PKIA: variants seen among roughly 807,000 people sequenced by gnomAD.
PKIA encodes cAMP-dependent protein kinase inhibitor alpha.
Under a neutral mutation model 7.6 loss-of-function variants are expected in PKIA, and 4 were observed. That is an observed-to-expected ratio of 0.52 (90% CI 0.26 to 1.20). The LOEUF is 1.20. Among genes scored for constraint, PKIA ranks in the 50% most tolerant of loss-of-function variants. PKIA has a pLI of 0.13. For missense variants in PKIA, 73 were observed against 86.2 expected (o/e 0.85, Z 0.61); for synonymous variants, 21 against 30.7 (o/e 0.68, Z 1.04).
intron 1 of PKIA, among the ~76,000 whole-genome samples, chr8:78,541,079 A>G (rs895742738): frequency 1.3e-5 from 2 of 152,094 alleles, no homozygotes; most frequent in African/African-American, 2.4e-5. Flanking sequence ...TTCTAATTCA[A>G]TTCAGCCCAA....
intron 1 of PKIA, among the ~76,000 whole-genome samples, chr8:78,547,388 C>A (rs766832229): frequency 6.6e-6 from 1 of 152,146 alleles, no homozygotes; most frequent in Non-Finnish European, 1.5e-5. Context: ...CAGGCGTGAG[C>A]CACCGCACCT....
intron 1 of PKIA, among the ~76,000 whole-genome samples, chr8:78,552,168 T>C (rs113178373): frequency 2.4e-4 from 36 of 152,110 alleles, no homozygotes; most frequent in African/African-American, 8.2e-4. Flanking sequence ...GTTGGGCTGA[T>C]ATGATACTTA....
In PKIA at chr8:78,562,999, A is replaced by G. The variant is rs372805280; in HGVS notation, c.-156-9812A>G. Among the ~76,000 whole-genome samples, 21 of 152,330 alleles carry G rather than the reference A, an allele frequency of 1.4e-4. No homozygotes were observed. The East Asian group carries it at 3.1e-3, about 22-fold the overall frequency. On this transcript the variant is annotated intron_variant, in intron 1 of 3. Coordinates refer to ENST00000396418, the MANE Select transcript of PKIA (RefSeq NM_006823.4). ...GTAACAAGGAAAAAATCTTCATTCA[A>G]TTAAAATCAATCATACATCGTTACT...
intron 2 of PKIA, among the ~76,000 whole-genome samples, chr8:78,596,234 T>A (rs973469279): frequency 7.9e-5 from 12 of 152,112 alleles, no homozygotes; most frequent in African/African-American, 1.2e-4. Flanking sequence ...GCTTTTTTTT[T>A]ATTGTATTTA....
At chr8:78,542,500 T>C (rs1423722115) in intron 1 of PKIA, among the ~76,000 whole-genome samples, 4 of 152,154 alleles carry the variant, frequency 2.6e-5, no homozygotes, top group Admixed American at 1.3e-4. Context: ...AATTAAGATA[T>C]TGTAAACGTC....
intron 1 of PKIA, among the ~76,000 whole-genome samples, chr8:78,523,139 A>G (rs1304129816): frequency 6.6e-6 from 1 of 152,072 alleles, no homozygotes; most frequent in Middle Eastern, 3.4e-3. Context: ...ATGAAGCAAC[A>G]TGTCTTATAA....
At chr8:78,519,823 T>C (rs1336029588) in intron 1 of PKIA, among the ~76,000 whole-genome samples, 2 of 152,186 alleles carry the variant, frequency 1.3e-5, no homozygotes, top group African/African-American at 2.4e-5. Flanking sequence ...CATGGTGGCA[T>C]GCCTATGTGT....
intron 1 of PKIA, among the ~76,000 whole-genome samples, chr8:78,527,740 G>A (rs1393271613): frequency 6.6e-6 from 1 of 151,924 alleles, no homozygotes; most frequent in African/African-American, 2.4e-5. Flanking sequence ...AATTATATAA[G>A]AACAACAATA....
chr8:78,568,541 A>C (rs1236365130), intron 1 of PKIA, among the ~76,000 whole-genome samples: 1 of 152,174 alleles, frequency 6.6e-6, no homozygotes, highest in African/African-American at 2.4e-5. Context: ...GAATACAATA[A>C]ATAAGCATAG....
intron 2 of PKIA, among the ~76,000 whole-genome samples, chr8:78,582,576 T>C (rs927754112): frequency 7.2e-5 from 11 of 152,146 alleles, no homozygotes; most frequent in Non-Finnish European, 1.3e-4. Context: ...AGCCAAACTG[T>C]ATCAATGTTT....
chr8:78,547,471 G>T (rs983965556), intron 1 of PKIA, among the ~76,000 whole-genome samples: 10 of 152,004 alleles, frequency 6.6e-5, no homozygotes, highest in Non-Finnish European at 1.3e-4. Flanking sequence ...TTTTTCCATT[G>T]AAAAATATAT....
At chr8:78,570,525 T>C (rs1183932736) in intron 1 of PKIA, among the ~76,000 whole-genome samples, 1 of 152,176 alleles carries the variant, frequency 6.6e-6, no homozygotes, top group Non-Finnish European at 1.5e-5. Context: ...CAAGCCCCAG[T>C]ATTTCCAAAG....
At chr8:78,547,561 G>A (rs1231999394) in intron 1 of PKIA, among the ~76,000 whole-genome samples, 5 of 152,026 alleles carry the variant, frequency 3.3e-5, no homozygotes, top group Non-Finnish European at 7.4e-5. Context: ...AAATCATTCT[G>A]TAAAACCATT....
At chr8:78,518,149 T>C (rs2118302683) in intron 1 of PKIA, among the ~76,000 whole-genome samples, 1 of 152,376 alleles carries the variant, frequency 6.6e-6, no homozygotes, top group Admixed American at 6.5e-5. Context: ...GATTTGAATT[T>C]GTTTCTTTGT....
rs142444108 is a variant in PKIA at position 78,583,338 on chromosome 8, A to G, written c.-28+10399A>G. 4.0e-3 allele frequency among the ~76,000 whole-genome samples: 605 copies of G among 152,246 alleles called. 2 individuals are homozygous for G. The highest frequency in any genetic ancestry group is 0.014 in the African/African-American group (582 of 41,552). On this transcript the variant is annotated intron_variant, in intron 2 of 3. Coordinates refer to ENST00000396418, the MANE Select transcript of PKIA (RefSeq NM_006823.4). ...ACATCAGATGGCAAGCAAATATTGT[A>G]AAAATTATGGCACTGAAACCCCTGT...
intron 1 of PKIA, chr8:78,534,004 T>C (rs923491650): frequency 1.3e-5 from 2 of 152,152 alleles, no homozygotes; most frequent in Non-Finnish European, 2.9e-5. Flanking sequence ...AGCTGAACTT[T>C]TACTTAAAAC....
chr8:78,598,407 A>T lies in PKIA; in HGVS notation c.23A>T (p.Tyr8Phe), dbSNP rs755345009. The T allele has an allele frequency of 6.2e-7, 1 of 1,612,076 alleles. No homozygotes were observed. The highest frequency in any genetic ancestry group is 8.5e-7 in the Non-Finnish European group (1 of 1,178,592). MTDVETTYADFIASGRTG... is the reference protein window; with the variant it reads MTDVETTFADFIASGRTG... ...GCAATGACTGATGTGGAAACTACAT[A>T]TGCAGATTTTATTGCTTCAGGAAGA... Residue 8 changes from tyrosine (Y) to phenylalanine (F), a missense_variant, in exon 3 of 4, where the codon TAT becomes TTT. Transcript: ENST00000396418.
chr8:78,598,305 G>C (rs924351962), intron 2 of PKIA, 53 bp from the exon 3 acceptor site: 1 of 1,125,686 alleles, frequency 8.9e-7, no homozygotes. Flanking sequence ...GTAGTTAAAT[G>C]TTTAGCATTG....
intron 1 of PKIA, among the ~76,000 whole-genome samples, chr8:78,553,462 CT>C (rs1807039333): frequency 6.6e-6 from 1 of 151,950 alleles, no homozygotes; most frequent in African/African-American, 2.4e-5. Context: ...TGGTGTCATT[CT>C]TTTTTTCTCA....
Sources: allele counts gnomAD v4.1 joint callset (sites outside exome capture counted in the v4.1 genomes callset), GRCh38; gene constraint gnomAD v4.1.1; transcripts MANE v1.5; gene names NCBI Gene and HGNC (gene_info 2026-07-23, HGNC 2026-07-21).